EPHA3: variants seen among roughly 807,000 people sequenced by gnomAD.
EPHA3 encodes the protein ephrin type-A receptor 3.
A neutral mutation model predicts 107.1 loss-of-function variants in EPHA3; 42 were observed. The ratio of observed to expected loss-of-function variants is 0.39; its 90% CI spans 0.31 to 0.51. The LOEUF is 0.51. EPHA3 is among the 20% of genes least tolerant of loss of function. The probability of loss-of-function intolerance (pLI) is 0.78; values close to 1 mark genes in which losing one functional copy is unlikely to be tolerated. For missense variants in EPHA3, 1,183 were observed against 1,211.2 expected (o/e 0.98, Z 0.35); for synonymous variants, 461 against 424.8 (o/e 1.09, Z -1.05).
intron 5 of EPHA3, among the ~76,000 whole-genome samples, chr3:89,382,825 A>T (rs1245647472): frequency 6.6e-6 from 1 of 152,180 alleles, no homozygotes; most frequent in Non-Finnish European, 1.5e-5. Flanking sequence ...TGGATTGGTT[A>T]GTTTGCACAT....
intron 2 of EPHA3, among the ~76,000 whole-genome samples, chr3:89,133,906 C>T (rs563541366): frequency 1.3e-5 from 2 of 152,028 alleles, no homozygotes; most frequent in East Asian, 1.9e-4. Context: ...TCTTCTTGGT[C>T]GAGCCACTGA....
At chr3:89,457,017 A>C (rs1710110835) in intron 15 of EPHA3, among the ~76,000 whole-genome samples, 1 of 152,198 alleles carries the variant, frequency 6.6e-6, no homozygotes, top group South Asian at 2.1e-4. Context: ...TAGAGCAAAA[A>C]TAAAAGGAGT....
At chr3:89,375,774 A>C (rs1246480967) in intron 5 of EPHA3, among the ~76,000 whole-genome samples, 1 of 151,952 alleles carries the variant, frequency 6.6e-6, no homozygotes, top group Admixed American at 6.6e-5. Flanking sequence ...TTGTACAGAC[A>C]CAAACAAAAT....
intron 1 of EPHA3, among the ~76,000 whole-genome samples, chr3:89,109,437 G>A (rs1306682505): frequency 2.6e-5 from 4 of 151,908 alleles, no homozygotes; most frequent in Non-Finnish European, 4.4e-5. Flanking sequence ...TAGAAAAATA[G>A]TATTAAAATT....
At chr3:89,237,402 C>T (rs1329000367) in intron 3 of EPHA3, among the ~76,000 whole-genome samples, 1 of 151,986 alleles carries the variant, frequency 6.6e-6, no homozygotes, top group Admixed American at 6.6e-5. Flanking sequence ...ATATAAATAA[C>T]GGCCATACAT....
chr3:89,115,935 G>T (rs113781584), intron 1 of EPHA3, among the ~76,000 whole-genome samples: 2,470 of 152,224 alleles, frequency 0.016, 63 homozygotes, highest in African/African-American at 0.053. Context: ...GTACTAATTT[G>T]TCTTCTGACT....
At chr3:89,174,384 AT>A (rs1405019832) in intron 2 of EPHA3, among the ~76,000 whole-genome samples, 1 of 151,950 alleles carries the variant, frequency 6.6e-6, no homozygotes, top group Non-Finnish European at 1.5e-5. Context: ...CATTATGAGT[AT>A]TTCATTATTG....
At chr3:89,310,114 A>T (rs1706728590) in intron 3 of EPHA3, among the ~76,000 whole-genome samples, 2 of 152,076 alleles carry the variant, frequency 1.3e-5, no homozygotes, top group South Asian at 4.1e-4. Flanking sequence ...ATGTTCACTG[A>T]CTTCTCTCAG....
At chr3:89,295,908 C>T (rs1274249686) in intron 3 of EPHA3, among the ~76,000 whole-genome samples, 2 of 152,154 alleles carry the variant, frequency 1.3e-5, no homozygotes, top group Admixed American at 1.3e-4. Context: ...GTCATTTCAA[C>T]AACATTCATA....
chr3:89,360,768 T>C (rs570416258), intron 5 of EPHA3, among the ~76,000 whole-genome samples: 24 of 151,318 alleles, frequency 1.6e-4, no homozygotes, highest in Non-Finnish European at 3.0e-4. Context: ...TTATTATTAT[T>C]TATTTTATTG....
chr3:89,444,775 C>T (rs1473228653), intron 13 of EPHA3, among the ~76,000 whole-genome samples: 1 of 151,984 alleles, frequency 6.6e-6, no homozygotes, highest in Non-Finnish European at 1.5e-5. Flanking sequence ...TTATTCTCTT[C>T]CTGTTTCCCT....
At chr3:89,410,394 T>C (rs1709136581) in intron 9 of EPHA3, among the ~76,000 whole-genome samples, 1 of 151,978 alleles carries the variant, frequency 6.6e-6, no homozygotes, top group African/African-American at 2.4e-5. Flanking sequence ...TTAAGGCCAA[T>C]GCTTATTTAA....
chr3:89,447,879 C>T (rs1559699822), intron 13 of EPHA3, among the ~76,000 whole-genome samples: 2 of 152,128 alleles, frequency 1.3e-5, no homozygotes, highest in Admixed American at 1.3e-4. Flanking sequence ...GTGTAAAGCA[C>T]TATATTGCCC....
intron 3 of EPHA3, among the ~76,000 whole-genome samples, chr3:89,271,349 C>A (rs1369893454): frequency 2.0e-5 from 3 of 151,842 alleles, no homozygotes; most frequent in Non-Finnish European, 4.4e-5. Context: ...AATTCCCTTG[C>A]AGAGTACAGC....
At chr3:89,145,236 A>C (rs1252938391) in intron 2 of EPHA3, among the ~76,000 whole-genome samples, 2 of 151,256 alleles carry the variant, frequency 1.3e-5, no homozygotes, top group Non-Finnish European at 3.0e-5. Context: ...AACAAGTTAG[A>C]AACATTCTAT....
chr3:89,447,971 T>A (rs920063843), intron 13 of EPHA3, among the ~76,000 whole-genome samples: 3 of 152,152 alleles, frequency 2.0e-5, no homozygotes, highest in Non-Finnish European at 2.9e-5. Context: ...CGGCTTAAGA[T>A]TTTGAGGATG....
chr3:89,447,934 T>C (rs530301961), intron 13 of EPHA3, among the ~76,000 whole-genome samples: 2 of 152,278 alleles, frequency 1.3e-5, no homozygotes, highest in Non-Finnish European at 1.5e-5. Context: ...TGAGGTCCGA[T>C]AGAAATCGGT....
At chr3:89,348,757 C>CTAT (rs1161546352) in intron 5 of EPHA3, among the ~76,000 whole-genome samples, 7 of 136,108 alleles carry the variant, frequency 5.1e-5, no homozygotes, top group Non-Finnish European at 9.5e-5. Flanking sequence ...GCATTTAGTG[C>CTAT]TATAAATTTC....
intron 16 of EPHA3, among the ~76,000 whole-genome samples, chr3:89,477,475 T>C (rs1710539395): frequency 6.6e-6 from 1 of 152,190 alleles, no homozygotes; most frequent in Non-Finnish European, 1.5e-5. Flanking sequence ...TCTTCTCAAA[T>C]GGTTACCTAT....
Sources: allele counts gnomAD v4.1 joint callset (sites outside exome capture counted in the v4.1 genomes callset), GRCh38; gene constraint gnomAD v4.1.1; transcripts MANE v1.5; gene names NCBI Gene and HGNC (gene_info 2026-07-23, HGNC 2026-07-21).